Variants in EGFR observed in about 807,000 individuals in gnomAD.
The protein encoded by EGFR is epidermal growth factor receptor.
In EGFR, 58 loss-of-function variants were observed where a neutral mutation model predicts 143.0. The observed-to-expected ratio is 0.41, with a 90% CI of 0.33 to 0.50. EGFR has a LOEUF of 0.50. EGFR is among the 20% of genes least tolerant of loss of function. The pLI is 0.39. For synonymous variants in EGFR, 613 were observed against 594.4 expected (o/e 1.03, Z -0.45); for missense variants, 1,307 against 1,579.0 (o/e 0.83, Z 2.92).
chr7:55,062,864 G>T (rs1242258413), intron 1 of EGFR, among the ~76,000 whole-genome samples: 1 of 152,154 alleles, frequency 6.6e-6, no homozygotes, highest in African/African-American at 2.4e-5. Flanking sequence ...CATACGAGAT[G>T]AATCTTACCA....
chr7:55,061,657 A>T (rs879288377), intron 1 of EGFR, among the ~76,000 whole-genome samples: 389 of 145,922 alleles, frequency 2.7e-3, no homozygotes, highest in Non-Finnish European at 4.0e-3. Context: ...TGTGAGAGAG[A>T]GAGAGAGAGA....
At chr7:55,138,088 G>A (rs1562749231) in intron 1 of EGFR, among the ~76,000 whole-genome samples, 1 of 152,160 alleles carries the variant, frequency 6.6e-6, no homozygotes, top group African/African-American at 2.4e-5. Flanking sequence ...GCAGACTAGA[G>A]GACCATATCT....
chr7:55,205,898 GAAA>G lies in EGFR; in HGVS notation c.*292_*294del. On this transcript the variant is annotated 3_prime_UTR_variant, in exon 28 of 28. Transcript: ENST00000275493. ...ATTTATCTTTCAAAGAGGTATATTT[GAAA>G]AAAAAAAAAAGTATATGTGAGGATT... The G allele has an allele frequency of 2.6e-6, 1 of 378,548 alleles. No individual in the cohort carries two copies. The highest frequency in any genetic ancestry group is 4.8e-6 in the Non-Finnish European group (1 of 208,100). The allele number at this position is 378,548 out of a possible 1,614,324, so 23.4% of individuals were successfully genotyped here. A position where few individuals can be genotyped will look rare whatever the true frequency, so the allele number is the denominator to read the frequency against.
intron 4 of EGFR, among the ~76,000 whole-genome samples, chr7:55,149,352 GTCTC>G (rs1794917245): frequency 6.6e-6 from 1 of 151,654 alleles, no homozygotes; most frequent in Non-Finnish European, 1.5e-5. Flanking sequence ...CACTCTCACT[GTCTC>G]TCTTTCTGTC....
At chr7:55,155,213 G>A (rs767229633) in intron 7 of EGFR, among the ~76,000 whole-genome samples, 1 of 152,214 alleles carries the variant, frequency 6.6e-6, no homozygotes, top group Non-Finnish European at 1.5e-5. Flanking sequence ...AGACTGAAGG[G>A]GCTGGATTGT....
In EGFR at chr7:55,207,306, A is replaced by G. The variant is rs886062386; in HGVS notation, c.*1689A>G. On this transcript the variant is annotated 3_prime_UTR_variant, in exon 28 of 28. Coordinates refer to ENST00000275493, the MANE Select transcript of EGFR (RefSeq NM_005228.5). ...TAAGAAAGTATTTGATTTTTGTCTC[A>G]ATGAAAATAAAACTATATTCATTTC... 5.2e-5 allele frequency: 12 copies of G among 232,224 alleles called. No individual in the cohort carries two copies. Among genetic ancestry groups the G allele is most frequent in the Non-Finnish European group, 1.0e-4 (12 of 117,520 alleles). 14.4% of individuals were successfully genotyped at this position (232,224 alleles called of 1,614,324 possible).
At chr7:55,197,770 C>T (rs1411974398) in intron 22 of EGFR, among the ~76,000 whole-genome samples, 1 of 152,038 alleles carries the variant, frequency 6.6e-6, no homozygotes, top group Non-Finnish European at 1.5e-5. Context: ...TGGCTTTTGT[C>T]CTTAGTTCTG....
chr7:55,149,830 T>C (rs1231400976), intron 4 of EGFR, among the ~76,000 whole-genome samples: 1 of 152,234 alleles, frequency 6.6e-6, no homozygotes, highest in Non-Finnish European at 1.5e-5. Flanking sequence ...GCAGCCATGC[T>C]ATTGATAATC....
intron 1 of EGFR, among the ~76,000 whole-genome samples, chr7:55,023,066 T>C (rs1172933107): frequency 6.6e-6 from 1 of 152,218 alleles, no homozygotes; most frequent in South Asian, 2.1e-4. Context: ...TTATGGGCAC[T>C]GAAGGGAAGG....
chr7:55,205,616 G>C lies in EGFR; in HGVS notation c.3632G>C (p.Ter1211SerextTer6), dbSNP rs2128975705. Residue 1211 changes from the stop codon to serine (S), a stop_lost, in exon 28 of 28, where the codon TGA becomes TCA. Coordinates refer to ENST00000275493, the MANE Select transcript of EGFR (RefSeq NM_005228.5). ...CAAAGCAGTGAATTTATTGGAGCAT[G>C]ACCACGGAGGATAGTATGAGCCCTA... Reference protein sequence around the residue: ...APQSSEFIGA* With the variant: ...APQSSEFIGAS 1.9e-6 allele frequency: 3 copies of C among 1,614,128 alleles called. No homozygotes were observed. The highest frequency in any genetic ancestry group is 2.5e-6 in the Non-Finnish European group (3 of 1,180,036).
intron 1 of EGFR, among the ~76,000 whole-genome samples, chr7:55,033,192 G>A (rs139571687): frequency 8.3e-4 from 126 of 152,294 alleles, no homozygotes; most frequent in Non-Finnish European, 6.8e-4. Flanking sequence ...TCTCTATTTT[G>A]AGGGTAAATT....
At chr7:55,090,418 C>T (rs1411222059) in intron 1 of EGFR, among the ~76,000 whole-genome samples, 2 of 152,220 alleles carry the variant, frequency 1.3e-5, no homozygotes, top group African/African-American at 4.8e-5. Flanking sequence ...GGGCCCCTTC[C>T]CAGACCCTGG....
chr7:55,019,048 C>T lies in EGFR; in HGVS notation c.-230C>T. ...CCGGGCAGCCCCCGGCGCAGCGCGG[C>T]CGCAGCAGCCTCCGCCCCCCGCACG... is the stretch of plus-strand genomic sequence containing the variant. On this transcript the variant is annotated 5_prime_UTR_variant, in exon 1 of 28. Coordinates refer to ENST00000275493, the MANE Select transcript of EGFR (RefSeq NM_005228.5). The T allele has an allele frequency of 4.1e-6, 1 of 244,912 alleles. No homozygotes were observed. The highest frequency in any genetic ancestry group is 7.7e-6 in the Non-Finnish European group (1 of 130,326). 15.2% of individuals were successfully genotyped at this position (244,912 alleles called of 1,614,324 possible).
chr7:55,111,877 C>T (rs1295980504), intron 1 of EGFR, among the ~76,000 whole-genome samples: 2 of 152,200 alleles, frequency 1.3e-5, no homozygotes, highest in Non-Finnish European at 2.9e-5. Context: ...GCTTCTACAT[C>T]ACTGTGTGCC....
At position 55,205,172 on chromosome 7, in the gene EGFR, C is replaced by T. The variant is rs565858513; in HGVS notation, c.3272-84C>T. The T allele has an allele frequency of 3.5e-4, 555 of 1,567,708 alleles. 8 individuals carry two copies. The South Asian group carries it at 6.0e-3, about 17-fold the overall frequency. On this transcript the variant is annotated intron_variant, in intron 27 of 27. Transcript: ENST00000275493. ...CTGTCATAAGTCTCCTTGTTGAGGACATTCACAGGGTTCAGAACCCAGGGA... is the reference window on the plus strand; with the variant it reads ...CTGTCATAAGTCTCCTTGTTGAGGATATTCACAGGGTTCAGAACCCAGGGA...
Position 55,021,847 on chromosome 7 carries a change from C to T in EGFR, c.88+2482C>T, listed in dbSNP as rs74808774. 5.3e-5 allele frequency among the ~76,000 whole-genome samples: 8 copies of T among 152,264 alleles called. No homozygotes were observed. The East Asian group carries it at 7.7e-4, about 15-fold the overall frequency. On this transcript the variant is annotated intron_variant, in intron 1 of 27. Coordinates refer to ENST00000275493, the MANE Select transcript of EGFR (RefSeq NM_005228.5). ...TCCTCCTATGGGGGAAACTGAGGTA[C>T]GAAGAACTAAAGTGACTTTCCCACA... is the stretch of plus-strand genomic sequence containing the variant.
intron 1 of EGFR, among the ~76,000 whole-genome samples, chr7:55,034,125 A>G (rs1057220895): frequency 1.3e-5 from 2 of 152,108 alleles, no homozygotes; most frequent in African/African-American, 4.8e-5. Context: ...AGGGAGGCAA[A>G]CACACCCTGC....
chr7:55,041,999 T>C (rs571862603), intron 1 of EGFR, among the ~76,000 whole-genome samples: 2 of 152,342 alleles, frequency 1.3e-5, no homozygotes, highest in East Asian at 3.9e-4. Flanking sequence ...CAGAGACATA[T>C]ATTTCTTTCT....
In EGFR at chr7:55,109,971, A is replaced by G. The variant is rs1584061058; in HGVS notation, c.89-32315A>G. On this transcript the variant is annotated intron_variant, in intron 1 of 27. Transcript: ENST00000275493. ...TCCGGATAACCAAGTAAGAAAGTACATGAGGAGGCACAGAAAGAAAAATGT... is the reference window on the plus strand; with the variant it reads ...TCCGGATAACCAAGTAAGAAAGTACGTGAGGAGGCACAGAAAGAAAAATGT... 1.8e-5 allele frequency: 18 copies of G among 984,702 alleles called. No individual in the cohort carries two copies. In the South Asian group the frequency reaches 6.1e-4, roughly 33 times the overall value. The allele number at this position is 984,702 out of a possible 1,614,324, so 61.0% of individuals were successfully genotyped here. A position where few individuals can be genotyped will look rare whatever the true frequency, so the allele number is the denominator to read the frequency against.
Sources: allele counts gnomAD v4.1 joint callset (sites outside exome capture counted in the v4.1 genomes callset), GRCh38; gene constraint gnomAD v4.1.1; transcripts MANE v1.5; gene names NCBI Gene and HGNC (gene_info 2026-07-23, HGNC 2026-07-21).